Variants in ANK3 observed in about 807,000 individuals in gnomAD.
ANK3 encodes the protein ankyrin-3.
A neutral mutation model predicts 370.9 loss-of-function variants in ANK3; 57 were observed. The ratio of observed to expected loss-of-function variants is 0.15; its 90% CI spans 0.12 to 0.19. The LOEUF is 0.19. Among genes scored for constraint, ANK3 ranks in the 10% least tolerant of loss-of-function variants. ANK3 has a pLI of 1.00. For synonymous variants in ANK3, 1,929 were observed against 1,946.3 expected (o/e 0.99, Z 0.23); for missense variants, 4,439 against 5,302.1 (o/e 0.84, Z 5.06).
chr10:60,674,373 G>A (rs761698306), intron 1 of ANK3, among the ~76,000 whole-genome samples: 3 of 152,162 alleles, frequency 2.0e-5, no homozygotes, highest in Non-Finnish European at 2.9e-5. Flanking sequence ...GCCTCAGGAA[G>A]CTTCCACTCA....
chr10:60,321,316 C>T (rs181457512), intron 1 of ANK3, among the ~76,000 whole-genome samples: 65 of 150,428 alleles, frequency 4.3e-4, no homozygotes, highest in Non-Finnish European at 6.0e-4. Context: ...TGAACTTGGC[C>T]GCTCAAGGCT....
At chr10:60,510,199 GTGAT>G (rs1160791717) in intron 2 of ANK3, among the ~76,000 whole-genome samples, 7 of 152,072 alleles carry the variant, frequency 4.6e-5, no homozygotes, top group Non-Finnish European at 1.0e-4. Flanking sequence ...ACATAGGTAA[GTGAT>G]AGGTAGACAG....
chr10:60,435,409 C>T (rs2064131665), intron 2 of ANK3, among the ~76,000 whole-genome samples: 1 of 152,148 alleles, frequency 6.6e-6, no homozygotes, highest in African/African-American at 2.4e-5. Context: ...ATTTTCTTTT[C>T]TTAGAACAAT....
At chr10:60,683,426 G>A (rs2079223447) in intron 1 of ANK3, among the ~76,000 whole-genome samples, 1 of 152,066 alleles carries the variant, frequency 6.6e-6, no homozygotes, top group Admixed American at 6.6e-5. Context: ...ATAATTAATG[G>A]GGGACTGACT....
Position 60,042,718 on chromosome 10 carries a change from C to A in ANK3, c.13107G>T (p.Arg4369=). 1 of 1,613,908 alleles carries A rather than the reference C, an allele frequency of 6.2e-7. No homozygotes were observed. Among genetic ancestry groups the A allele is most frequent in the Non-Finnish European group, 8.5e-7 (1 of 1,179,976 alleles). The change falls in exon 43 of 44, where the codon CGG becomes CGT. Residue 4369 remains arginine (R), a synonymous_variant. Coordinates refer to ENST00000280772, the MANE Select transcript of ANK3 (RefSeq NM_020987.5). The stretch of plus-strand genomic sequence containing the variant: ...ACGAGTGGCTCTTCTTTTCCACATG[C>A]CGGATTTCTTTCTTCGTTTTCACCT... ...GFKVKTKKEI[R]HVEKKSHS is the part of the protein sequence containing the mutation.
At chr10:60,641,459 C>T (rs912507825) in intron 1 of ANK3, among the ~76,000 whole-genome samples, 6 of 151,288 alleles carry the variant, frequency 4.0e-5, no homozygotes, top group Non-Finnish European at 8.9e-5. Context: ...CAGAACAGAG[C>T]CCTCAGAAAT....
At position 60,300,548 on chromosome 10, in the gene ANK3, C is replaced by T. The variant is rs1054440610; in HGVS notation, c.115-20909G>A. ...GCGGGGCAGACAAGAGTACAGAATC[C>T]GCCTGGGCCCTTATAAACAGCATAG... On this transcript the variant is annotated intron_variant, in intron 1 of 43. Transcript: ENST00000280772. 84 of 1,200,012 alleles carry T rather than the reference C, an allele frequency of 7.0e-5. No individual in the cohort carries two copies. In the African/African-American group the frequency reaches 1.2e-3, roughly 18 times the overall value. The allele number at this position is 1,200,012 out of a possible 1,614,324, so 74.3% of individuals were successfully genotyped here.
intron 16 of ANK3, among the ~76,000 whole-genome samples, chr10:60,195,918 C>T (rs146130895): frequency 1.3e-5 from 2 of 152,290 alleles, no homozygotes; most frequent in South Asian, 2.1e-4. Context: ...CCAGGAGGTC[C>T]TGGATTGCCA....
intron 2 of ANK3, among the ~76,000 whole-genome samples, chr10:60,555,603 G>T (rs948276420): frequency 1.3e-5 from 2 of 152,096 alleles, no homozygotes; most frequent in Admixed American, 1.3e-4. Context: ...GACCATAAAA[G>T]AAACTTGGGT....
chr10:60,404,096 A>C (rs2063405289), intron 2 of ANK3, among the ~76,000 whole-genome samples: 1 of 152,216 alleles, frequency 6.6e-6, no homozygotes, highest in African/African-American at 2.4e-5. Flanking sequence ...AGAGAAATTA[A>C]AGATCTATAT....
At chr10:60,144,142 C>T (rs556838393) in intron 23 of ANK3, 17 of 404,946 alleles carry the variant, frequency 4.2e-5, no homozygotes, top group East Asian at 1.8e-4. Flanking sequence ...AGCTGAGCCC[C>T]GATTAACTCA....
At chr10:60,376,621 G>A (rs2060815673) in intron 1 of ANK3, among the ~76,000 whole-genome samples, 1 of 152,110 alleles carries the variant, frequency 6.6e-6, no homozygotes, top group African/African-American at 2.4e-5. Flanking sequence ...TTAGCCACTG[G>A]GCAGGACTGG....
intron 16 of ANK3, among the ~76,000 whole-genome samples, chr10:60,190,419 A>AAAAC (rs143933936): frequency 1.3e-5 from 2 of 152,192 alleles, no homozygotes; most frequent in Non-Finnish European, 2.9e-5. Flanking sequence ...TTTCTTAGTG[A>AAAAC]AAACAAACAA....
At chr10:60,300,593 C>T (rs917052778) in intron 1 of ANK3, 2 of 1,130,688 alleles carry the variant, frequency 1.8e-6, no homozygotes, top group Non-Finnish European at 2.2e-6. Context: ...GAATTCCCCA[C>T]GACTTACCAT....
At chr10:60,304,365 G>A (rs1342501881) in intron 1 of ANK3, among the ~76,000 whole-genome samples, 2 of 152,140 alleles carry the variant, frequency 1.3e-5, no homozygotes, top group Non-Finnish European at 2.9e-5. Context: ...AACATTGGCT[G>A]GGGGTGGTGG....
intron 1 of ANK3, among the ~76,000 whole-genome samples, chr10:60,330,402 C>G (rs2050945244): frequency 6.6e-6 from 1 of 152,144 alleles, no homozygotes; most frequent in African/African-American, 2.4e-5. Context: ...GGGCTAATAT[C>G]TAGAATCTAC....
intron 2 of ANK3, among the ~76,000 whole-genome samples, chr10:60,416,976 C>A (rs536946806): frequency 9.5e-4 from 144 of 152,236 alleles, no homozygotes; most frequent in South Asian, 2.5e-3. Flanking sequence ...ATAAACTGTT[C>A]TCCAAGACTT....
In ANK3 at chr10:60,658,969, A is replaced by G. The variant is rs147941968; in HGVS notation, c.58-43745T>C. 2.8e-3 allele frequency among the ~76,000 whole-genome samples: 422 copies of G among 151,588 alleles called. 1 individual carries two copies. Among genetic ancestry groups the G allele is most frequent in the African/African-American group, 9.9e-3 (411 of 41,428 alleles). ...AAAAGAGGCAGGCAGGAGGAGAGGA[A>G]GGGGAAGGGACGGGAGGGGAGGATC... On this transcript the variant is annotated intron_variant, in intron 1 of 43. Coordinates refer to the ANK3 transcript ENST00000373827.
chr10:60,421,212 T>A (rs2063771596), intron 2 of ANK3, among the ~76,000 whole-genome samples: 1 of 151,990 alleles, frequency 6.6e-6, no homozygotes, highest in South Asian at 2.1e-4. Context: ...ATAATAGAGT[T>A]TATGTTTGGG....
Sources: allele counts gnomAD v4.1 joint callset (sites outside exome capture counted in the v4.1 genomes callset), GRCh38; gene constraint gnomAD v4.1.1; transcripts MANE v1.5; gene names NCBI Gene and HGNC (gene_info 2026-07-23, HGNC 2026-07-21).